Variants in HDAC9 observed in about 807,000 individuals in gnomAD.
HDAC9 encodes the protein histone deacetylase 9.
HDAC9 carries 41 observed loss-of-function variants against 139.4 expected under a neutral mutation model. The ratio of observed to expected loss-of-function variants is 0.29; its 90% CI spans 0.23 to 0.38. The LOEUF is 0.38. HDAC9 is among the 10% of genes least tolerant of loss of function. The pLI, the probability that HDAC9 is intolerant of heterozygous loss-of-function variation, is 1.00. For missense variants in HDAC9, 1,147 were observed against 1,297.0 expected, an observed-to-expected ratio of 0.88 and a Z score of 1.78; for synonymous variants, 517 against 476.2, an observed-to-expected ratio of 1.09 and a Z score of -1.12.
At chr7:18,298,245 A>T (rs1375805227) in intron 1 of HDAC9, among the ~76,000 whole-genome samples, 2 of 151,734 alleles carry the variant, frequency 1.3e-5, no homozygotes, top group Non-Finnish European at 2.9e-5. Flanking sequence ...ACCTTTATAA[A>T]CATAACATTA....
At chr7:18,928,469 A>T (rs1804431834) in intron 22 of HDAC9, among the ~76,000 whole-genome samples, 1 of 152,240 alleles carries the variant, frequency 6.6e-6, no homozygotes, top group African/African-American at 2.4e-5. Flanking sequence ...TTCCAACCCT[A>T]ATAATACATA....
chr7:18,692,122 T>C (rs1174591918), intron 12 of HDAC9, among the ~76,000 whole-genome samples: 2 of 152,092 alleles, frequency 1.3e-5, no homozygotes, highest in East Asian at 1.9e-4. Flanking sequence ...CTTAATGTGA[T>C]AGCTACAGAT....
chr7:18,199,510 G>A (rs993073395), intron 2 of HDAC9, among the ~76,000 whole-genome samples: 17 of 152,110 alleles, frequency 1.1e-4, no homozygotes, highest in African/African-American at 3.9e-4. Flanking sequence ...AATAGGGTGG[G>A]TGTAGTGGCT....
At chr7:18,995,757 A>G (rs185055633) in intron 25 of HDAC9, among the ~76,000 whole-genome samples, 111 of 151,346 alleles carry the variant, frequency 7.3e-4, no homozygotes, top group Admixed American at 2.9e-3. Context: ...GACACCAAAC[A>G]TGTACATTTT....
intron 22 of HDAC9, among the ~76,000 whole-genome samples, chr7:18,890,061 T>C (rs1800542839): frequency 6.6e-6 from 1 of 152,216 alleles, no homozygotes; most frequent in Admixed American, 6.5e-5. Flanking sequence ...TGGGCCTTAA[T>C]TTCCTCATAT....
chr7:18,245,642 T>G (rs1406365000), intron 2 of HDAC9, among the ~76,000 whole-genome samples: 2 of 152,170 alleles, frequency 1.3e-5, no homozygotes, highest in African/African-American at 4.8e-5. Context: ...AATGTTACTT[T>G]TTGGGAGATG....
intron 12 of HDAC9, chr7:18,667,700 A>G: frequency 3.0e-6 from 3 of 984,882 alleles, no homozygotes; most frequent in Non-Finnish European, 3.6e-6. Context: ...GGAATGTAGG[A>G]AAAAAAATCT....
intron 2 of HDAC9, among the ~76,000 whole-genome samples, chr7:18,276,980 A>G (rs1301716873): frequency 6.6e-6 from 1 of 152,120 alleles, no homozygotes; most frequent in African/African-American, 2.4e-5. Context: ...TATATGAGCA[A>G]ATTGCCTCTA....
chr7:18,537,947 C>T (rs1412281518), intron 2 of HDAC9, among the ~76,000 whole-genome samples: 1 of 152,182 alleles, frequency 6.6e-6, no homozygotes, highest in Admixed American at 6.5e-5. Flanking sequence ...CCTTCATAAC[C>T]TCAGGCAGCA....
chr7:18,529,477 G>C (rs1260515761), intron 2 of HDAC9, among the ~76,000 whole-genome samples: 1 of 152,212 alleles, frequency 6.6e-6, no homozygotes, highest in East Asian at 1.9e-4. Context: ...ATGAATGCTT[G>C]TATAGATTTC....
At chr7:18,204,581 G>C (rs907428387) in intron 2 of HDAC9, among the ~76,000 whole-genome samples, 3 of 151,694 alleles carry the variant, frequency 2.0e-5, no homozygotes, top group Non-Finnish European at 2.9e-5. Context: ...ATAATTTTTT[G>C]TATTTATTCA....
chr7:18,941,497 T>A (rs1782026251), intron 23 of HDAC9, among the ~76,000 whole-genome samples: 1 of 152,154 alleles, frequency 6.6e-6, no homozygotes, highest in Admixed American at 6.6e-5. Flanking sequence ...GGGTTTGTTT[T>A]CATTGGATTC....
chr7:18,547,523 C>G (rs1321728946), intron 2 of HDAC9, among the ~76,000 whole-genome samples: 1 of 152,222 alleles, frequency 6.6e-6, no homozygotes, highest in Non-Finnish European at 1.5e-5. Flanking sequence ...GCGTGAGCCA[C>G]CATGCCCGGC....
chr7:18,411,492 A>C (rs1344427613), intron 1 of HDAC9, among the ~76,000 whole-genome samples: 1 of 152,090 alleles, frequency 6.6e-6, no homozygotes, highest in Non-Finnish European at 1.5e-5. Flanking sequence ...CTCCTGCCTC[A>C]GCCTCGCATG....
At chr7:18,284,624 G>A (rs571819707) in intron 2 of HDAC9, among the ~76,000 whole-genome samples, 4 of 152,262 alleles carry the variant, frequency 2.6e-5, no homozygotes, top group Middle Eastern at 3.4e-3. Flanking sequence ...TTTACCAAAT[G>A]TGAGAACTTG....
chr7:18,634,565 T>C, intron 7 of HDAC9, 62 bp from the exon 8 acceptor site: 1 of 964,218 alleles, frequency 1.0e-6, no homozygotes. Flanking sequence ...CATGTTACAG[T>C]AACTAAAGTT....
At chr7:18,269,564 T>C (rs1235384484) in intron 2 of HDAC9, among the ~76,000 whole-genome samples, 3 of 151,962 alleles carry the variant, frequency 2.0e-5, no homozygotes, top group Non-Finnish European at 2.9e-5. Context: ...GTTCGAAATA[T>C]GAGCATGGGA....
intron 21 of HDAC9, among the ~76,000 whole-genome samples, chr7:18,850,081 T>TAAAAA (rs11327408): frequency 2.4e-5 from 2 of 82,288 alleles, no homozygotes; most frequent in East Asian, 3.7e-4. Context: ...AAAGCCTGAG[T>TAAAAA]AAAAAAAAAA....
chr7:18,954,569 T>A (rs10486329), intron 24 of HDAC9, among the ~76,000 whole-genome samples: 55,167 of 151,828 alleles, frequency 0.36, 10,920 homozygotes, highest in Non-Finnish European at 0.46. Context: ...TATCTCCTAA[T>A]GATGTTGGAA....
Sources: allele counts gnomAD v4.1 joint callset (sites outside exome capture counted in the v4.1 genomes callset), GRCh38; gene constraint gnomAD v4.1.1; transcripts MANE v1.5; gene names NCBI Gene and HGNC (gene_info 2026-07-23, HGNC 2026-07-21).